Variants in MGAT4C observed in about 807,000 individuals in gnomAD.
MGAT4C encodes MGAT4 family member C, also known as alpha-1,3-mannosyl-glycoprotein 4-beta-N-acetylglucosaminyltransferase C.
Under a neutral mutation model 40.1 loss-of-function variants are expected in MGAT4C, and 19 were observed. The ratio of observed to expected loss-of-function variants is 0.47; its 90% CI spans 0.33 to 0.70. MGAT4C has a LOEUF of 0.70. Among genes scored for constraint, MGAT4C ranks in the 30% least tolerant of loss-of-function variants. The pLI is 0.02. For missense variants in MGAT4C, 491 were observed against 563.2 expected, an observed-to-expected ratio of 0.87 and a Z score of 1.30; for synonymous variants, 181 against 187.1, an observed-to-expected ratio of 0.97 and a Z score of 0.27.
intron 2 of MGAT4C, among the ~76,000 whole-genome samples, chr12:86,623,732 C>A (rs920518410): frequency 6.6e-6 from 1 of 152,114 alleles, no homozygotes; most frequent in Admixed American, 6.6e-5. Context: ...CCAGCTATTT[C>A]AGAACTCTAA....
At chr12:86,069,799 C>T (rs1894897948) in intron 1 of MGAT4C, among the ~76,000 whole-genome samples, 1 of 152,198 alleles carries the variant, frequency 6.6e-6, no homozygotes, top group East Asian at 1.9e-4. Context: ...AACTCATCTC[C>T]ATTCTTTTAC....
At chr12:86,342,784 T>C (rs993205942) in intron 3 of MGAT4C, among the ~76,000 whole-genome samples, 2 of 152,120 alleles carry the variant, frequency 1.3e-5, no homozygotes, top group Admixed American at 6.5e-5. Flanking sequence ...TCTAATGCAA[T>C]GTCAGCCTCA....
At chr12:86,487,765 GAA>G (rs1958048142) in intron 2 of MGAT4C, among the ~76,000 whole-genome samples, 1 of 152,128 alleles carries the variant, frequency 6.6e-6, no homozygotes, top group Admixed American at 6.6e-5. Context: ...ATTCTTTCCT[GAA>G]AGTTTCCCAG....
In MGAT4C at chr12:85,959,023, T is replaced by A. The variant is rs1386798412; in HGVS notation, c.*20266A>T. 1.5e-5 allele frequency: 2 copies of A among 137,610 alleles called. No homozygotes were observed. Among genetic ancestry groups the A allele is most frequent in the African/African-American group, 2.7e-5 (1 of 37,554 alleles). The allele number at this position is 137,610 out of a possible 1,614,324, so 8.5% of individuals were successfully genotyped here. On this transcript the variant is annotated 3_prime_UTR_variant, in exon 5 of 5. Coordinates refer to ENST00000611864, the MANE Select transcript of MGAT4C (RefSeq NM_001351288.2). ...ATGTTATTAAATCTCTGGTAACCACTATACAATACAATACAATACAATACA... is the reference window on the plus strand; with the variant it reads ...ATGTTATTAAATCTCTGGTAACCACAATACAATACAATACAATACAATACA...
At chr12:86,197,427 C>T (rs1949858003) in intron 1 of MGAT4C, among the ~76,000 whole-genome samples, 2 of 152,058 alleles carry the variant, frequency 1.3e-5, no homozygotes, top group Admixed American at 1.3e-4. Context: ...TAGATGGGAT[C>T]TTTGGGAGGC....
chr12:86,685,716 G>T (rs1950060908), intron 2 of MGAT4C, among the ~76,000 whole-genome samples: 1 of 152,112 alleles, frequency 6.6e-6, no homozygotes, highest in African/African-American at 2.4e-5. Flanking sequence ...TTGAGCAGTG[G>T]TTTGTAGTTC....
intron 3 of MGAT4C, among the ~76,000 whole-genome samples, chr12:86,342,630 G>A (rs1246523896): frequency 2.6e-5 from 4 of 152,004 alleles, no homozygotes; most frequent in Non-Finnish European, 4.4e-5. Flanking sequence ...TAGTAGAGAC[G>A]GGGTTTCACC....
intron 4 of MGAT4C, among the ~76,000 whole-genome samples, chr12:86,278,793 A>C (rs564695327): frequency 8.5e-5 from 13 of 152,174 alleles, no homozygotes; most frequent in African/African-American, 3.1e-4. Flanking sequence ...TTCCCCATTT[A>C]TGATACTAGC....
At chr12:86,543,436 T>G (rs1029709817) in intron 2 of MGAT4C, among the ~76,000 whole-genome samples, 1 of 151,808 alleles carries the variant, frequency 6.6e-6, no homozygotes, top group Admixed American at 6.6e-5. Context: ...TTTAAAAAAT[T>G]CCTTAGATTA....
intron 3 of MGAT4C, among the ~76,000 whole-genome samples, chr12:86,378,039 T>G (rs1003121043): frequency 1.2e-4 from 18 of 152,198 alleles, no homozygotes; most frequent in African/African-American, 4.3e-4. Context: ...GTGTCAGAAT[T>G]TCCTTCCTTT....
At chr12:86,710,864 A>G (rs1026044769) in intron 2 of MGAT4C, among the ~76,000 whole-genome samples, 2 of 152,328 alleles carry the variant, frequency 1.3e-5, no homozygotes, top group Non-Finnish European at 1.5e-5. Context: ...ATAAAAAGGA[A>G]TAAACTAATG....
At chr12:86,080,607 G>A (rs373316777) in intron 1 of MGAT4C, among the ~76,000 whole-genome samples, 7 of 151,978 alleles carry the variant, frequency 4.6e-5, no homozygotes, top group Admixed American at 3.3e-4. Context: ...ACATGCACAC[G>A]CACCCACACA....
intron 1 of MGAT4C, among the ~76,000 whole-genome samples, chr12:86,759,046 G>A (rs1223615586): frequency 2.0e-5 from 3 of 151,700 alleles, no homozygotes; most frequent in African/African-American, 4.8e-5. Context: ...CTCCCTCCCC[G>A]CTCTGTTCCC....
At chr12:86,823,485 A>G (rs1952742470) in intron 1 of MGAT4C, among the ~76,000 whole-genome samples, 1 of 151,418 alleles carries the variant, frequency 6.6e-6, no homozygotes, top group South Asian at 2.1e-4. Context: ...AATTACGTCT[A>G]CAGGGCATAA....
intron 1 of MGAT4C, among the ~76,000 whole-genome samples, chr12:86,778,953 T>C (rs957713617): frequency 6.6e-6 from 1 of 150,684 alleles, no homozygotes; most frequent in Non-Finnish European, 1.5e-5. Context: ...CATTTTATTG[T>C]GCCTGGTATT....
intron 1 of MGAT4C, among the ~76,000 whole-genome samples, chr12:86,145,537 C>A (rs1883401330): frequency 6.6e-6 from 1 of 152,142 alleles, no homozygotes; most frequent in South Asian, 2.1e-4. Flanking sequence ...GTTGTGAAAA[C>A]ATCCATGTGC....
At chr12:86,796,902 A>C (rs776214176) in intron 1 of MGAT4C, among the ~76,000 whole-genome samples, 11 of 152,038 alleles carry the variant, frequency 7.2e-5, no homozygotes, top group Non-Finnish European at 1.3e-4. Flanking sequence ...AGTACAATAC[A>C]TACAATTGTA....
chr12:86,032,827 GAAA>G (rs1890885304), intron 2 of MGAT4C, among the ~76,000 whole-genome samples: 2 of 149,666 alleles, frequency 1.3e-5, no homozygotes, highest in African/African-American at 4.9e-5. Flanking sequence ...TCTTTGTCAT[GAAA>G]TCTTTGCCAG....
chr12:86,706,378 G>A (rs1199844383), intron 2 of MGAT4C, among the ~76,000 whole-genome samples: 1 of 152,040 alleles, frequency 6.6e-6, no homozygotes, highest in East Asian at 1.9e-4. Context: ...CAAATAATAA[G>A]AAAATAACTT....
Sources: allele counts gnomAD v4.1 joint callset (sites outside exome capture counted in the v4.1 genomes callset), GRCh38; gene constraint gnomAD v4.1.1; transcripts MANE v1.5; gene names NCBI Gene and HGNC (gene_info 2026-07-23, HGNC 2026-07-21).